The following GRIA4 variants were observed in gnomAD, a reference collection of about 807,000 sequenced individuals.
The protein encoded by GRIA4 is glutamate receptor 4.
Under a neutral mutation model 104.0 loss-of-function variants are expected in GRIA4, and 34 were observed. The observed-to-expected ratio is 0.33, with a 90% CI of 0.25 to 0.44. The LOEUF (loss-of-function observed/expected upper bound fraction) is 0.44, where lower values mean the gene tolerates loss of function less well. Ranked by LOEUF, GRIA4 falls within the 20% of genes least tolerant of loss-of-function variation. The pLI, the probability that GRIA4 is intolerant of heterozygous loss-of-function variation, is 1.00. For missense variants in GRIA4, 750 were observed against 1,096.5 expected (o/e 0.68, Z 4.46); for synonymous variants, 386 against 381.9 (o/e 1.01, Z -0.13).
rs1236670492 is a variant in GRIA4, at chr11:105,924,694, A to G, written c.1772A>G (p.Asn591Ser). 10 of 1,612,498 alleles carry G rather than the reference A, an allele frequency of 6.2e-6. No homozygotes were observed. The highest frequency in any genetic ancestry group is 8.5e-6 in the Non-Finnish European group (10 of 1,179,010). The stretch of plus-strand genomic sequence containing the variant: ...GAAGGACCCAGCGACCAGCCTCCCA[A>G]TGAGTTTGGCATCTTTAACAGCCTC... ...GKEGPSDQPP[N>S]EFGIFNSLWF... The change falls in exon 12 of 17, where the codon AAT becomes AGT. Residue 591 changes from asparagine (N) to serine (S), a missense_variant. Physicochemically the swap from Asn to Ser is conservative, Grantham distance 46. This residue lies in a region of GRIA4 where 272 missense variants were observed against 524.5 expected (regional missense o/e 0.52). Transcript: ENST00000282499.
At chr11:105,686,095 G>A (rs1003129087) in intron 3 of GRIA4, among the ~76,000 whole-genome samples, 6 of 152,056 alleles carry the variant, frequency 3.9e-5, no homozygotes, top group African/African-American at 1.2e-4. Context: ...TTTAGATTCA[G>A]GAGGTACATA....
rs182627112 is a variant in GRIA4 at position 105,943,831 on chromosome 11, C to T, written c.2294+9862C>T. On this transcript the variant is annotated intron_variant, in intron 14 of 16. Coordinates refer to ENST00000282499, the MANE Select transcript of GRIA4 (RefSeq NM_000829.4). ...TCCCCCCATTTTAAGCACAGCTTTA[C>T]CATCTCTGCAGGTATTTGTTTCAGA... Among the ~76,000 whole-genome samples, 32 of 152,104 alleles carry T rather than the reference C, an allele frequency of 2.1e-4. 1 individual carries two copies. Among genetic ancestry groups the T allele is most frequent in the Admixed American group, 9.2e-4 (14 of 15,216 alleles).
Position 105,696,049 on chromosome 11 carries a change from C to T in GRIA4, c.248-56932C>T, listed in dbSNP as rs147808171. On this transcript the variant is annotated intron_variant, in intron 3 of 16. Coordinates refer to ENST00000282499, the MANE Select transcript of GRIA4 (RefSeq NM_000829.4). ...GTTCTTCTGAAGAAATCTTCAATTT[C>T]CTGAAGGCATCAACCTCTCTTTTAT... 9.2e-5 allele frequency among the ~76,000 whole-genome samples: 14 copies of T among 152,292 alleles called. No homozygotes were observed. In the East Asian group the frequency reaches 2.7e-3, roughly 29 times the overall value.
At chr11:105,866,849 T>A (rs536609104) in intron 5 of GRIA4, among the ~76,000 whole-genome samples, 136 of 151,888 alleles carry the variant, frequency 9.0e-4, no homozygotes, top group Non-Finnish European at 1.3e-3. Context: ...AGAACAATAT[T>A]GATCCTAGTA....
At chr11:105,912,333 TAA>T in intron 10 of GRIA4, 1 of 976,212 alleles carries the variant, frequency 1.0e-6, no homozygotes. Flanking sequence ...CTGTGTGAAA[TAA>T]AGTGTTTTAA....
chr11:105,626,022 G>T (rs993183861), intron 3 of GRIA4, among the ~76,000 whole-genome samples: 1 of 152,042 alleles, frequency 6.6e-6, no homozygotes, highest in Non-Finnish European at 1.5e-5. Flanking sequence ...TGCAGAAAAG[G>T]TTGTGGTATA....
intron 14 of GRIA4, among the ~76,000 whole-genome samples, chr11:105,966,384 G>C (rs560203567): frequency 6.6e-6 from 1 of 152,282 alleles, no homozygotes; most frequent in East Asian, 1.9e-4. Context: ...TTAGAGAAGA[G>C]AGGGGAGGGA....
Position 105,654,857 on chromosome 11 carries a change from T to C in GRIA4, c.247+42423T>C, listed in dbSNP as rs577871227. On this transcript the variant is annotated intron_variant, in intron 3 of 16. Coordinates refer to ENST00000282499, the MANE Select transcript of GRIA4 (RefSeq NM_000829.4). The stretch of plus-strand genomic sequence containing the variant: ...AACTTCAGATGAGTGAAGTTGGTCT[T>C]CATGTTTTGTCCTCACAAACCCCTC... 5.9e-5 allele frequency among the ~76,000 whole-genome samples: 9 copies of C among 152,224 alleles called. No individual in the cohort carries two copies. The South Asian group carries it at 1.9e-3, about 32-fold the overall frequency.
chr11:105,702,151 A>G (rs919648756), intron 3 of GRIA4, among the ~76,000 whole-genome samples: 1 of 152,046 alleles, frequency 6.6e-6, no homozygotes, highest in African/African-American at 2.4e-5. Flanking sequence ...CCAGGCTGGT[A>G]TCAAACTCCT....
chr11:105,874,785 G>A (rs1461210029), intron 5 of GRIA4, among the ~76,000 whole-genome samples: 4 of 152,324 alleles, frequency 2.6e-5, no homozygotes, highest in African/African-American at 9.6e-5. Flanking sequence ...CTTTGCTGAA[G>A]TTGCTTAACA....
intron 3 of GRIA4, among the ~76,000 whole-genome samples, chr11:105,690,546 G>A (rs1284372596): frequency 6.6e-6 from 1 of 152,168 alleles, no homozygotes; most frequent in East Asian, 1.9e-4. Flanking sequence ...GAATGGGGCT[G>A]TTGACATAGA....
chr11:105,851,393 G>T (rs193130365), intron 4 of GRIA4, among the ~76,000 whole-genome samples: 2 of 152,110 alleles, frequency 1.3e-5, no homozygotes, highest in Non-Finnish European at 2.9e-5. Context: ...TGACAGGCAC[G>T]CTGTATACTT....
At chr11:105,747,963 T>G (rs1386155124) in intron 3 of GRIA4, among the ~76,000 whole-genome samples, 3 of 152,202 alleles carry the variant, frequency 2.0e-5, no homozygotes, top group Admixed American at 6.5e-5. Flanking sequence ...CTATAAAATA[T>G]GTATTGAGTG....
chr11:105,909,665 T>C (rs926656311), intron 9 of GRIA4, among the ~76,000 whole-genome samples: 14 of 152,204 alleles, frequency 9.2e-5, no homozygotes, highest in African/African-American at 3.4e-4. Context: ...GCACTCAATA[T>C]GTAGTAGCCA....
intron 10 of GRIA4, among the ~76,000 whole-genome samples, chr11:105,916,056 C>A (rs1276556451): frequency 7.4e-6 from 1 of 135,082 alleles, no homozygotes; most frequent in Non-Finnish European, 1.7e-5. Flanking sequence ...TGGTGGTGTG[C>A]GCCTGTAATC....
chr11:105,975,791 G>T (rs189866614), intron 16 of GRIA4, among the ~76,000 whole-genome samples: 2 of 152,116 alleles, frequency 1.3e-5, no homozygotes, highest in East Asian at 3.9e-4. Context: ...GAAAGCTTTT[G>T]AAATACTTGT....
intron 3 of GRIA4, among the ~76,000 whole-genome samples, chr11:105,748,530 G>T (rs1478863901): frequency 1.3e-5 from 2 of 152,086 alleles, no homozygotes; most frequent in Non-Finnish European, 2.9e-5. Context: ...TTACGGGCAT[G>T]TGCCAGCACG....
intron 3 of GRIA4, among the ~76,000 whole-genome samples, chr11:105,705,578 A>G (rs992577131): frequency 2.0e-5 from 3 of 152,168 alleles, no homozygotes; most frequent in African/African-American, 4.8e-5. Flanking sequence ...CAATACCCCA[A>G]TGGAAAAACA....
At chr11:105,726,667 C>T (rs974757604) in intron 3 of GRIA4, among the ~76,000 whole-genome samples, 3 of 152,184 alleles carry the variant, frequency 2.0e-5, no homozygotes, top group East Asian at 3.9e-4. Flanking sequence ...CCCTCTGGAA[C>T]GAAGCTTCCA....
Sources: allele counts gnomAD v4.1 joint callset (sites outside exome capture counted in the v4.1 genomes callset), GRCh38; gene constraint gnomAD v4.1.1; regional missense constraint gnomAD v4.1.1; transcripts MANE v1.5; gene names NCBI Gene and HGNC (gene_info 2026-07-23, HGNC 2026-07-21).